Variants in RTTN observed in about 807,000 individuals in gnomAD.
The protein encoded by RTTN is rotatin.
A neutral mutation model predicts 269.2 loss-of-function variants in RTTN; 182 were observed. The observed-to-expected ratio is 0.68, with a 90% CI of 0.60 to 0.76. RTTN has a LOEUF of 0.76. Among genes scored for constraint, RTTN ranks in the 30% least tolerant of loss-of-function variants. RTTN has a pLI of 0.00. For missense variants in RTTN, 2,545 were observed against 2,608.6 expected, an observed-to-expected ratio of 0.98 and a Z score of 0.53; for synonymous variants, 1,006 against 963.5, an observed-to-expected ratio of 1.04 and a Z score of -0.82.
chr18:70,147,033 C>T (rs2060411877), intron 17 of RTTN, among the ~76,000 whole-genome samples: 1 of 152,174 alleles, frequency 6.6e-6, no homozygotes, highest in African/African-American at 2.4e-5. Flanking sequence ...AGTTGAGAGA[C>T]AGGTATAACC....
intron 14 of RTTN, among the ~76,000 whole-genome samples, chr18:70,152,373 C>T (rs1292670116): frequency 2.0e-5 from 3 of 152,050 alleles, no homozygotes; most frequent in East Asian, 1.9e-4. Flanking sequence ...AAAGTATCTC[C>T]GTTTTCAGAA....
Position 70,006,295 on chromosome 18 carries a change from C to T in RTTN, c.6525+86G>A, listed in dbSNP as rs938003957. On this transcript the variant is annotated intron_variant, in intron 47 of 48. Coordinates refer to ENST00000640769, the MANE Select transcript of RTTN (RefSeq NM_173630.4). ...TTTTTTCTTTTGCTGTAACTCTTGA[C>T]ACCTTTGGATGTATCCTAAGAGTTT... 7 of 862,530 alleles carry T rather than the reference C, an allele frequency of 8.1e-6. No individual in the cohort carries two copies. The Admixed American group carries it at 1.5e-4, about 19-fold the overall frequency. The allele number at this position is 862,530 out of a possible 1,614,324, so 53.4% of individuals were successfully genotyped here. A position where few individuals can be genotyped will look rare whatever the true frequency, so the allele number is the denominator to read the frequency against.
chr18:70,085,455 C>T (rs575698125), intron 32 of RTTN, among the ~76,000 whole-genome samples: 4 of 152,162 alleles, frequency 2.6e-5, no homozygotes, highest in South Asian at 2.1e-4. Flanking sequence ...GCCCTTGCTA[C>T]GGTTCAGCTT....
intron 16 of RTTN, among the ~76,000 whole-genome samples, chr18:70,149,241 G>A (rs182365444): frequency 6.0e-4 from 92 of 152,146 alleles, no homozygotes; most frequent in Non-Finnish European, 3.7e-4. Flanking sequence ...CATACATACA[G>A]GAGAACTTCA....
intron 32 of RTTN, among the ~76,000 whole-genome samples, chr18:70,081,592 T>C (rs1309534216): frequency 6.6e-6 from 1 of 152,052 alleles, no homozygotes; most frequent in Non-Finnish European, 1.5e-5. Context: ...AATCTAAACC[T>C]GGGGAAAAGG....
chr18:70,152,425 TGAG>T (rs1181108058), intron 14 of RTTN, among the ~76,000 whole-genome samples: 24 of 152,190 alleles, frequency 1.6e-4, no homozygotes, highest in Admixed American at 7.2e-4. Context: ...GAGGATTCAA[TGAG>T]ATAATATACT....
chr18:70,030,400 A>T (rs1599174807), intron 41 of RTTN, among the ~76,000 whole-genome samples: 1 of 152,206 alleles, frequency 6.6e-6, no homozygotes, highest in Middle Eastern at 3.2e-3. Context: ...AATGGACTTG[A>T]TGTTGCCATT....
chr18:70,126,206 T>C (rs529439627), intron 25 of RTTN, among the ~76,000 whole-genome samples: 1 of 152,224 alleles, frequency 6.6e-6, no homozygotes, highest in Admixed American at 6.5e-5. Flanking sequence ...GAGTCTTTCC[T>C]GTAATGTGGT....
chr18:70,141,644 G>A (rs973782613), intron 19 of RTTN, among the ~76,000 whole-genome samples: 1 of 151,954 alleles, frequency 6.6e-6, no homozygotes, highest in Non-Finnish European at 1.5e-5. Flanking sequence ...GTTGGGGGAG[G>A]GATAGCATTA....
intron 10 of RTTN, among the ~76,000 whole-genome samples, chr18:70,181,106 T>C (rs2061412914): frequency 6.6e-6 from 1 of 152,238 alleles, no homozygotes; most frequent in Admixed American, 6.5e-5. Flanking sequence ...ATCTTTAGTT[T>C]CTTTCACAAT....
chr18:70,138,280 AAT>A (rs2060173181), intron 21 of RTTN: 1 of 152,236 alleles, frequency 6.6e-6, no homozygotes, highest in South Asian at 2.1e-4. Context: ...ATTCTTTCTC[AAT>A]AAATAAATAA....
At chr18:70,136,316 G>C (rs1042804174) in intron 21 of RTTN, among the ~76,000 whole-genome samples, 2 of 151,976 alleles carry the variant, frequency 1.3e-5, no homozygotes, top group African/African-American at 4.8e-5. Flanking sequence ...TGGAACTAGA[G>C]AAAGTCCTAC....
At chr18:70,155,277 T>C (rs1054623891) in intron 14 of RTTN, among the ~76,000 whole-genome samples, 1 of 151,856 alleles carries the variant, frequency 6.6e-6, no homozygotes, top group Non-Finnish European at 1.5e-5. Flanking sequence ...ACAACCACCA[T>C]CTAGAGAATA....
chr18:70,106,867 T>C (rs1200365665), intron 28 of RTTN, among the ~76,000 whole-genome samples: 2 of 152,304 alleles, frequency 1.3e-5, no homozygotes, highest in South Asian at 2.1e-4. Context: ...GCTATCACTA[T>C]CAATTTACTT....
intron 10 of RTTN, among the ~76,000 whole-genome samples, chr18:70,179,465 A>T (rs114144975): frequency 1.0e-3 from 156 of 152,102 alleles, no homozygotes; most frequent in African/African-American, 2.8e-3. Flanking sequence ...TTCTAAGCAT[A>T]AAAAAAATGG....
intron 46 of RTTN, 117 bp downstream of exon 46, chr18:70,017,290 T>C: frequency 4.0e-6 from 4 of 1,011,206 alleles, no homozygotes; most frequent in Non-Finnish European, 5.8e-6. Flanking sequence ...CACAGTGCTT[T>C]GAACACAGTG....
chr18:70,169,104 G>C, intron 11 of RTTN, 37 bp from the exon 12 acceptor site: 1 of 1,479,514 alleles, frequency 6.8e-7, no homozygotes, highest in East Asian at 2.4e-5. Flanking sequence ...TTAAAACTTT[G>C]TTTAAAAAAA....
intron 27 of RTTN, among the ~76,000 whole-genome samples, chr18:70,110,221 AC>A (rs1460212463): frequency 6.8e-6 from 1 of 147,570 alleles, no homozygotes; most frequent in Admixed American, 6.8e-5. Flanking sequence ...ACATAGTGAG[AC>A]CCCCATCCCT....
intron 27 of RTTN, among the ~76,000 whole-genome samples, chr18:70,111,989 G>C (rs2059480332): frequency 6.6e-6 from 1 of 152,182 alleles, no homozygotes; most frequent in Admixed American, 6.5e-5. Flanking sequence ...GAAGAGAGTG[G>C]GGGCCAATAT....
Sources: allele counts gnomAD v4.1 joint callset (sites outside exome capture counted in the v4.1 genomes callset), GRCh38; gene constraint gnomAD v4.1.1; transcripts MANE v1.5; gene names NCBI Gene and HGNC (gene_info 2026-07-23, HGNC 2026-07-21).